LIN9: variants seen among roughly 807,000 people sequenced by gnomAD.
The protein encoded by LIN9 is protein lin-9 homolog.
LIN9 carries 18 observed loss-of-function variants against 78.0 expected under a neutral mutation model. That is an observed-to-expected ratio of 0.23 (90% CI 0.16 to 0.34). The LOEUF (loss-of-function observed/expected upper bound fraction) is 0.34, where lower values mean the gene tolerates loss of function less well. LIN9 is among the 10% of genes least tolerant of loss of function. The pLI, the probability that LIN9 is intolerant of heterozygous loss-of-function variation, is 1.00. For missense variants in LIN9, 451 were observed against 644.1 expected, an observed-to-expected ratio of 0.70 and a Z score of 3.25; for synonymous variants, 192 against 215.2, an observed-to-expected ratio of 0.89 and a Z score of 0.94.
At chr1:226,243,307 A>T (rs1658234088) in intron 11 of LIN9, among the ~76,000 whole-genome samples, 1 of 152,248 alleles carries the variant, frequency 6.6e-6, no homozygotes, top group Non-Finnish European at 1.5e-5. Context: ...CAATTTAAAG[A>T]TCTTCTAACA....
chr1:226,297,994 T>C (rs1662262564), intron 2 of LIN9, among the ~76,000 whole-genome samples, 181 bp from the exon 3 acceptor site: 1 of 152,212 alleles, frequency 6.6e-6, no homozygotes, highest in African/African-American at 2.4e-5. Flanking sequence ...TCTGTCAAAC[T>C]CTCTAAATAA....
chr1:226,293,876 T>G (rs1028017895), intron 4 of LIN9, among the ~76,000 whole-genome samples: 4 of 151,536 alleles, frequency 2.6e-5, no homozygotes, highest in African/African-American at 4.8e-5. Context: ...CTTGACAACT[T>G]TTTTTTTTGA....
intron 10 of LIN9, among the ~76,000 whole-genome samples, chr1:226,263,029 C>A (rs1273784330): frequency 6.6e-6 from 1 of 151,930 alleles, no homozygotes; most frequent in Non-Finnish European, 1.5e-5. Flanking sequence ...TGAAAGAAAC[C>A]AATATAAAAA....
At chr1:226,247,983 C>T (rs1247151266) in intron 11 of LIN9, among the ~76,000 whole-genome samples, 2 of 152,086 alleles carry the variant, frequency 1.3e-5, no homozygotes, top group African/African-American at 4.8e-5. Context: ...CTTCTTAATG[C>T]CTTGTTAATG....
intron 4 of LIN9, among the ~76,000 whole-genome samples, chr1:226,294,796 CAT>C (rs906966292): frequency 2.6e-5 from 4 of 151,484 alleles, no homozygotes; most frequent in African/African-American, 9.7e-5. Flanking sequence ...TTAATTTTTA[CAT>C]GTCTACTTTT....
At chr1:226,258,373 C>T (rs551636299) in intron 10 of LIN9, among the ~76,000 whole-genome samples, 8 of 148,802 alleles carry the variant, frequency 5.4e-5, no homozygotes, top group East Asian at 2.0e-4. Flanking sequence ...TGGTGGAGGA[C>T]GCATGTAATC....
At chr1:226,278,005 T>A in intron 6 of LIN9, 73 bp from the exon 7 acceptor site, 1 of 1,277,724 alleles carries the variant, frequency 7.8e-7, no homozygotes, top group Non-Finnish European at 1.1e-6. Flanking sequence ...TTTTTTTTCT[T>A]TTTTTGAGAT....
intron 7 of LIN9, among the ~76,000 whole-genome samples, chr1:226,276,823 TTCTC>T (rs1400097781): frequency 6.6e-6 from 1 of 152,172 alleles, no homozygotes; most frequent in African/African-American, 2.4e-5. Flanking sequence ...ATTTTGCACT[TTCTC>T]TCCATGAGTA....
At chr1:226,285,899 A>T (rs1661357545) in intron 6 of LIN9, among the ~76,000 whole-genome samples, 1 of 152,180 alleles carries the variant, frequency 6.6e-6, no homozygotes, top group Admixed American at 6.5e-5. Context: ...ATGTAAAACT[A>T]AAAAATTACG....
At position 226,239,031 on chromosome 1, in the gene LIN9, A is replaced by G; in HGVS notation, c.1185T>C (p.Leu395=). ...QRRYATIVLE[L]EQLNKDLNKV... ...TGTTTAGGTCCTTGTTCAGCTGTTCAAGCTCCAGAACAATTGTTGCATATC... is the reference window on the plus strand; with the variant it reads ...TGTTTAGGTCCTTGTTCAGCTGTTCGAGCTCCAGAACAATTGTTGCATATC... Residue 395 remains leucine (L), a synonymous_variant, in exon 12 of 15, where the codon CTT becomes CTC. Transcript: ENST00000681046. The G allele has an allele frequency of 6.2e-7, 1 of 1,613,738 alleles. No homozygotes were observed. Among genetic ancestry groups the G allele is most frequent in the Admixed American group, 1.7e-5 (1 of 59,984 alleles).
chr1:226,287,815 G>A lies in LIN9; in HGVS notation c.265-18C>T. On this transcript the variant is annotated intron_variant, in intron 4 of 14. Transcript: ENST00000681046. ...GTAAATTTCTATACAATAAAAAAAAGAGATTAATTTATGGCTCCATTAAGT... is the reference window on the plus strand; with the variant it reads ...GTAAATTTCTATACAATAAAAAAAAAAGATTAATTTATGGCTCCATTAAGT... 3 of 1,512,778 alleles carry A rather than the reference G, an allele frequency of 2.0e-6. No homozygotes were observed. Among genetic ancestry groups the A allele is most frequent in the East Asian group, 2.5e-5 (1 of 39,530 alleles). 93.7% of individuals were successfully genotyped at this position (1,512,778 alleles called of 1,614,324 possible).
chr1:226,307,722 T>C (rs1202299352), intron 1 of LIN9, among the ~76,000 whole-genome samples: 2 of 152,242 alleles, frequency 1.3e-5, no homozygotes, highest in Admixed American at 1.3e-4. Context: ...AGCTGTGCCC[T>C]ACCCAATACA....
chr1:226,294,025 G>A (rs940083761), intron 4 of LIN9, among the ~76,000 whole-genome samples: 2 of 152,084 alleles, frequency 1.3e-5, no homozygotes, highest in African/African-American at 4.8e-5. Context: ...CTAAGTCCTT[G>A]GGTCAGGTGT....
At chr1:226,264,226 A>G (rs1428981350) in intron 10 of LIN9, among the ~76,000 whole-genome samples, 1 of 151,742 alleles carries the variant, frequency 6.6e-6, no homozygotes, top group African/African-American at 2.4e-5. Flanking sequence ...TAAAAATACA[A>G]AAAATTAGCT....
At chr1:226,253,265 C>CAA (rs60102894) in intron 10 of LIN9, among the ~76,000 whole-genome samples, 2,901 of 118,324 alleles carry the variant, frequency 0.025, 117 homozygotes, top group African/African-American at 0.08. Flanking sequence ...AACCCTGTCT[C>CAA]AAAAAAAAAA....
At chr1:226,305,478 G>C (rs192022892) in intron 1 of LIN9, among the ~76,000 whole-genome samples, 2 of 152,164 alleles carry the variant, frequency 1.3e-5, no homozygotes, top group African/African-American at 2.4e-5. Flanking sequence ...ACACAACAGA[G>C]GGAGACCCTG....
intron 4 of LIN9, among the ~76,000 whole-genome samples, chr1:226,293,714 C>T (rs1056592614): frequency 3.3e-5 from 5 of 152,174 alleles, no homozygotes; most frequent in African/African-American, 1.2e-4. Context: ...TGTGCCACCA[C>T]GCCCAACTAA....
intron 10 of LIN9, among the ~76,000 whole-genome samples, chr1:226,261,133 C>G (rs142657325): frequency 0.011 from 1,582 of 147,078 alleles, 17 homozygotes; most frequent in Middle Eastern, 0.014. Flanking sequence ...ACGTCCTCAA[C>G]CTGATAAAAA....
At chr1:226,305,162 T>C (rs1662822255) in intron 1 of LIN9, among the ~76,000 whole-genome samples, 1 of 150,548 alleles carries the variant, frequency 6.6e-6, no homozygotes, top group Non-Finnish European at 1.5e-5. Context: ...AGAGCAAGAC[T>C]CCATCTTTAA....
Sources: gnomAD v4.1 joint callset for allele counts (sites outside exome capture counted in the v4.1 genomes callset) on GRCh38, gnomAD v4.1.1 for gene constraint, MANE v1.5 for transcripts, NCBI Gene and HGNC (gene_info 2026-07-23, HGNC 2026-07-21) for gene names.